SV2C: variants seen among roughly 807,000 people sequenced by gnomAD.
SV2C encodes synaptic vesicle glycoprotein 2C, also known as solute carrier family 22 member B3.
In SV2C, 49 loss-of-function variants were observed where a neutral mutation model predicts 79.7. That is an observed-to-expected ratio of 0.61 (90% CI 0.49 to 0.78). The LOEUF is 0.78. Ranked by LOEUF, SV2C falls within the 30% of genes least tolerant of loss-of-function variation. The pLI is 0.00. For synonymous variants in SV2C, 334 were observed against 333.2 expected (o/e 1.00, Z -0.03); for missense variants, 833 against 912.9 (o/e 0.91, Z 1.13).
intron 12 of SV2C, among the ~76,000 whole-genome samples, chr5:76,348,841 A>C (rs1749591383): frequency 6.6e-6 from 1 of 152,076 alleles, no homozygotes; most frequent in South Asian, 2.1e-4. Flanking sequence ...TCTACTAAAA[A>C]TACAAAAAAT....
the SV2C span, among the ~76,000 whole-genome samples, chr5:76,001,382 T>G: frequency 1.3e-5 from 2 of 152,058 alleles, no homozygotes; most frequent in Non-Finnish European, 2.9e-5. Flanking sequence ...GGGTGGATCA[T>G]GAGGTCAGGA....
downstream of SV2C, among the ~76,000 whole-genome samples, chr5:76,335,115 T>C (rs1006475041): frequency 6.6e-6 from 1 of 152,216 alleles, no homozygotes; most frequent in Admixed American, 6.5e-5. Flanking sequence ...GGCTACCATA[T>C]TGAACACTGA....
intron 1 of SV2C, among the ~76,000 whole-genome samples, chr5:76,122,319 G>C (rs1748536874): frequency 6.6e-6 from 1 of 151,412 alleles, no homozygotes; most frequent in African/African-American, 2.4e-5. Flanking sequence ...TCTGCAAACA[G>C]GGACAATTTG....
chr5:75,962,362 C>G, the SV2C span, among the ~76,000 whole-genome samples: 1 of 151,984 alleles, frequency 6.6e-6, no homozygotes, highest in Non-Finnish European at 1.5e-5. Flanking sequence ...ATCAGAGTTC[C>G]TCGTACATGA....
the SV2C span, among the ~76,000 whole-genome samples, chr5:76,039,516 G>A: frequency 6.6e-6 from 1 of 152,158 alleles, no homozygotes; most frequent in Non-Finnish European, 1.5e-5. Flanking sequence ...AGCAGTTTGC[G>A]AGGCTGAGGT....
At chr5:76,062,352 T>C in the SV2C span, among the ~76,000 whole-genome samples, 1 of 152,104 alleles carries the variant, frequency 6.6e-6, no homozygotes, top group Admixed American at 6.6e-5. Context: ...GCTTTTCTTT[T>C]GCCCTTCCAT....
chr5:76,055,636 A>C, the SV2C span, among the ~76,000 whole-genome samples: 1 of 152,202 alleles, frequency 6.6e-6, no homozygotes, highest in Admixed American at 6.5e-5. Flanking sequence ...TGAGCATGGA[A>C]TGTTTTTCCA....
chr5:76,081,044 G>T (rs1287704689), upstream of SV2C, among the ~76,000 whole-genome samples: 1 of 152,036 alleles, frequency 6.6e-6, no homozygotes, highest in Non-Finnish European at 1.5e-5. Context: ...AGTGCAACCT[G>T]GTCTTAAATG....
the SV2C span, among the ~76,000 whole-genome samples, chr5:75,920,367 C>G: frequency 6.6e-6 from 1 of 152,178 alleles, no homozygotes; most frequent in Non-Finnish European, 1.5e-5. Flanking sequence ...AGGAGAAAAA[C>G]TTTAGATGGG....
At chr5:76,198,266 G>T (rs1744333334) in intron 3 of SV2C, among the ~76,000 whole-genome samples, 1 of 152,134 alleles carries the variant, frequency 6.6e-6, no homozygotes, top group Non-Finnish European at 1.5e-5. Context: ...GGGCCTGATG[G>T]GAGGTTTTTA....
At chr5:76,012,988 T>A in the SV2C span, among the ~76,000 whole-genome samples, 1 of 152,218 alleles carries the variant, frequency 6.6e-6, no homozygotes. Flanking sequence ...ACCAGTACCA[T>A]GCTGTTTTGG....
chr5:75,970,575 A>G, the SV2C span, among the ~76,000 whole-genome samples: 2 of 152,194 alleles, frequency 1.3e-5, no homozygotes, highest in Non-Finnish European at 2.9e-5. Context: ...AAAATCTAGA[A>G]GAAATGGATA....
At chr5:76,228,646 C>A (rs553359661) in intron 4 of SV2C, among the ~76,000 whole-genome samples, 25 of 152,156 alleles carry the variant, frequency 1.6e-4, no homozygotes, top group Non-Finnish European at 3.1e-4. Context: ...GGGAGAAACA[C>A]CCCTCACTCA....
intron 1 of SV2C, among the ~76,000 whole-genome samples, chr5:76,130,969 C>G (rs1748870632): frequency 6.6e-6 from 1 of 152,164 alleles, no homozygotes; most frequent in African/African-American, 2.4e-5. Flanking sequence ...GCCATATGTT[C>G]TAATTCAATA....
chr5:76,230,353 A>G (rs73766724), intron 4 of SV2C, among the ~76,000 whole-genome samples: 17,838 of 152,068 alleles, frequency 0.12, 3,033 homozygotes, highest in African/African-American at 0.38. Context: ...AACAGCATCA[A>G]TGATGTGGTA....
chr5:75,924,757 CAT>C, the SV2C span, among the ~76,000 whole-genome samples: 30,211 of 150,718 alleles, frequency 0.2, 3,049 homozygotes, highest in Middle Eastern at 0.23. Context: ...AAAATTTATA[CAT>C]ATATATATAT....
chr5:75,909,454 C>A, the SV2C span, among the ~76,000 whole-genome samples: 1 of 152,196 alleles, frequency 6.6e-6, no homozygotes, highest in East Asian at 1.9e-4. Context: ...ACTTTTATTT[C>A]TGTTGACATA....
In SV2C at chr5:76,269,395, C is replaced by T. The variant is rs949395319; in HGVS notation, c.914-15767C>T. 8.5e-5 allele frequency among the ~76,000 whole-genome samples: 13 copies of T among 152,174 alleles called. No homozygotes were observed. In the East Asian group the frequency reaches 1.2e-3, roughly 14 times the overall value. Reference sequence around the variant, plus strand: ...GCATTGGACATACTTACACTAAAAACGAATTTTTATCAGATGTAACTGCTG... The same window carrying T: ...GCATTGGACATACTTACACTAAAAATGAATTTTTATCAGATGTAACTGCTG... On this transcript the variant is annotated intron_variant, in intron 4 of 12. Coordinates refer to ENST00000502798, the MANE Select transcript of SV2C (RefSeq NM_014979.4).
the SV2C span, among the ~76,000 whole-genome samples, chr5:75,908,389 A>G: frequency 6.6e-6 from 1 of 152,246 alleles, no homozygotes; most frequent in Non-Finnish European, 1.5e-5. Context: ...AGTATGTATC[A>G]GTACGTCATT....
Sources: allele counts gnomAD v4.1 joint callset (sites outside exome capture counted in the v4.1 genomes callset), GRCh38; gene constraint gnomAD v4.1.1; transcripts MANE v1.5; gene names NCBI Gene and HGNC (gene_info 2026-07-23, HGNC 2026-07-21).